Variants in SPOCK1 observed in about 807,000 individuals in gnomAD.
SPOCK1 encodes testican-1.
In SPOCK1, 23 loss-of-function variants were observed where a neutral mutation model predicts 55.3. The observed-to-expected ratio is 0.42, with a 90% confidence interval of 0.30 to 0.59. The LOEUF (loss-of-function observed/expected upper bound fraction) is 0.59. Ranked by LOEUF, SPOCK1 falls within the 20% of genes least tolerant of loss-of-function variation. The probability of loss-of-function intolerance (pLI) is 0.22; values close to 1 mark genes in which losing one functional copy is unlikely to be tolerated. For missense variants in SPOCK1, 499 were observed against 552.5 expected (o/e 0.90, Z 0.97); for synonymous variants, 226 against 221.0 (o/e 1.02, Z -0.20).
chr5:137,079,751 G>A lies in SPOCK1; in HGVS notation c.475-11922C>T, dbSNP rs561951839. 3.3e-5 allele frequency among the ~76,000 whole-genome samples: 5 copies of A among 152,026 alleles called. No homozygotes were observed. In the East Asian group the frequency reaches 5.8e-4, roughly 18 times the overall value. ...CTCCCCGTCCCTGCTTCACTCTGAT[G>A]TTGCCTCATCTGAATACCTCTTTCT... On this transcript the variant is annotated intron_variant, in intron 5 of 10. Coordinates refer to ENST00000394945, the MANE Select transcript of SPOCK1 (RefSeq NM_004598.4).
chr5:137,018,554 G>A (rs1313746790), intron 6 of SPOCK1, among the ~76,000 whole-genome samples: 1 of 152,090 alleles, frequency 6.6e-6, no homozygotes, highest in East Asian at 1.9e-4. Context: ...CGAAAGTATG[G>A]ATATGTACAT....
intron 2 of SPOCK1, among the ~76,000 whole-genome samples, chr5:137,405,514 C>T (rs993326478): frequency 1.3e-5 from 2 of 152,124 alleles, no homozygotes; most frequent in African/African-American, 4.8e-5. Context: ...CAGGCACCAA[C>T]TTCACCGTCC....
At chr5:137,007,789 G>A (rs1006532648) in intron 6 of SPOCK1, among the ~76,000 whole-genome samples, 1 of 152,150 alleles carries the variant, frequency 6.6e-6, no homozygotes, top group Non-Finnish European at 1.5e-5. Flanking sequence ...TCATTACTGA[G>A]TATATACCCA....
chr5:137,076,111 C>T (rs1162323969), intron 5 of SPOCK1, among the ~76,000 whole-genome samples: 1 of 152,158 alleles, frequency 6.6e-6, no homozygotes, highest in East Asian at 1.9e-4. Context: ...CCATGCAAGG[C>T]CTGGATGCAG....
At chr5:137,255,625 C>A (rs1756617450) in intron 3 of SPOCK1, among the ~76,000 whole-genome samples, 1 of 152,150 alleles carries the variant, frequency 6.6e-6, no homozygotes, top group Non-Finnish European at 1.5e-5. Flanking sequence ...AGTGACAGTT[C>A]AAGTAAGTTC....
intron 2 of SPOCK1, among the ~76,000 whole-genome samples, chr5:137,416,743 A>G (rs1441041965): frequency 6.6e-6 from 1 of 152,168 alleles, no homozygotes; most frequent in African/African-American, 2.4e-5. Context: ...AATCAGTGAG[A>G]GTTCCACATC....
chr5:137,299,424 A>G (rs964356159), intron 2 of SPOCK1, among the ~76,000 whole-genome samples: 4 of 151,938 alleles, frequency 2.6e-5, no homozygotes, highest in Non-Finnish European at 4.4e-5. Context: ...GAAGAAAAAT[A>G]TATACATATA....
intron 3 of SPOCK1, among the ~76,000 whole-genome samples, chr5:137,240,296 T>A (rs1271980037): frequency 6.6e-6 from 1 of 152,188 alleles, no homozygotes; most frequent in African/African-American, 2.4e-5. Flanking sequence ...ACAGGCTATC[T>A]CAGAAGCACA....
At chr5:137,249,281 C>T (rs1051314479) in intron 3 of SPOCK1, among the ~76,000 whole-genome samples, 3 of 152,152 alleles carry the variant, frequency 2.0e-5, no homozygotes, top group African/African-American at 7.2e-5. Context: ...TTTATAGATG[C>T]ATGATAGATT....
chr5:137,369,700 G>C (rs1751156250), intron 2 of SPOCK1, among the ~76,000 whole-genome samples: 1 of 152,216 alleles, frequency 6.6e-6, no homozygotes, highest in African/African-American at 2.4e-5. Context: ...CTAAGATCAA[G>C]GTGCTGGCCA....
At chr5:137,393,531 G>A (rs1451882212) in intron 2 of SPOCK1, among the ~76,000 whole-genome samples, 2 of 152,190 alleles carry the variant, frequency 1.3e-5, no homozygotes, top group Non-Finnish European at 2.9e-5. Flanking sequence ...GTGGCTGGTC[G>A]ATTTGCAACA....
rs181823680 is a variant in SPOCK1 at position 137,110,437 on chromosome 5, A to C, written c.474+1998T>G. Among the ~76,000 whole-genome samples the C allele has an allele frequency of 2.6e-4, 39 of 152,316 alleles. No individual in the cohort carries two copies. In the East Asian group the frequency reaches 4.6e-3, roughly 18 times the overall value. On this transcript the variant is annotated intron_variant, in intron 5 of 10. Coordinates refer to ENST00000394945, the MANE Select transcript of SPOCK1 (RefSeq NM_004598.4). ...TCTCCAGATGATTGTTTACACACCTAGGATCTGGGCCTTAAGTGAAAGACA... is the reference window on the plus strand; with the variant it reads ...TCTCCAGATGATTGTTTACACACCTCGGATCTGGGCCTTAAGTGAAAGACA...
chr5:137,035,715 C>T (rs538661907), intron 6 of SPOCK1, among the ~76,000 whole-genome samples: 4 of 152,180 alleles, frequency 2.6e-5, no homozygotes, highest in Non-Finnish European at 5.9e-5. Flanking sequence ...GGGACTGTGC[C>T]TAACCCAAGC....
At chr5:137,245,772 AAAAC>A (rs1756381455) in intron 3 of SPOCK1, among the ~76,000 whole-genome samples, 1 of 57,830 alleles carries the variant, frequency 1.7e-5, no homozygotes. Flanking sequence ...AAAACAAAAC[AAAAC>A]AAAAAAAAAA....
intron 4 of SPOCK1, among the ~76,000 whole-genome samples, chr5:137,113,500 T>C (rs1201379930): frequency 6.6e-6 from 1 of 152,106 alleles, no homozygotes; most frequent in East Asian, 1.9e-4. Context: ...GGCTCTGGAG[T>C]CAGAAAGTAC....
intron 2 of SPOCK1, among the ~76,000 whole-genome samples, chr5:137,462,497 C>T (rs9327790): frequency 0.72 from 108,874 of 152,078 alleles, 39,288 homozygotes; most frequent in East Asian, 0.89. Context: ...GGGGCAGGTT[C>T]GTGGTCAGAC....
At chr5:137,256,917 T>C (rs1263071953) in intron 3 of SPOCK1, among the ~76,000 whole-genome samples, 1 of 152,156 alleles carries the variant, frequency 6.6e-6, no homozygotes, top group East Asian at 1.9e-4. Flanking sequence ...TTTTCCAGCA[T>C]TGAAGAATTA....
chr5:136,982,800 C>A (rs747967185), intron 9 of SPOCK1, among the ~76,000 whole-genome samples: 1 of 152,052 alleles, frequency 6.6e-6, no homozygotes, highest in Non-Finnish European at 1.5e-5. Flanking sequence ...TAGAATAAAT[C>A]CTTTAGTGAT....
intron 2 of SPOCK1, among the ~76,000 whole-genome samples, chr5:137,447,486 C>G (rs1026203114): frequency 1.3e-5 from 2 of 152,264 alleles, no homozygotes; most frequent in Admixed American, 6.5e-5. Flanking sequence ...TACACTGTGA[C>G]AAAAAGCTAC....
Sources: allele counts gnomAD v4.1 joint callset (sites outside exome capture counted in the v4.1 genomes callset), GRCh38; gene constraint gnomAD v4.1.1; transcripts MANE v1.5; gene names NCBI Gene and HGNC (gene_info 2026-07-23, HGNC 2026-07-21).